The following PARP16 variants were observed in gnomAD, a reference collection of about 807,000 sequenced individuals.
PARP16 encodes protein mono-ADP-ribosyltransferase PARP16.
Under a neutral mutation model 35.0 loss-of-function variants are expected in PARP16, and 31 were observed. That is an observed-to-expected ratio of 0.88 (90% confidence interval 0.66 to 1.19). PARP16 has a LOEUF of 1.19. Ranked by LOEUF, PARP16 falls within the 50% of genes most tolerant of loss-of-function variation. PARP16 has a pLI of 0.00. For missense variants in PARP16, 424 were observed against 411.2 expected (o/e 1.03, Z -0.27); for synonymous variants, 162 against 169.5 (o/e 0.96, Z 0.34).
chr15:65,284,361 T>C (rs34864107), intron 1 of PARP16, among the ~76,000 whole-genome samples: 1 of 124,430 alleles, frequency 8.0e-6, no homozygotes, highest in African/African-American at 3.1e-5. Flanking sequence ...TTTTTTTTTT[T>C]TGAGACAGTC....
chr15:65,279,341 C>T (rs990207736), intron 1 of PARP16, among the ~76,000 whole-genome samples: 1 of 152,112 alleles, frequency 6.6e-6, no homozygotes, highest in African/African-American at 2.4e-5. Flanking sequence ...TATTATCAAT[C>T]AAATACCCTC....
downstream of PARP16, among the ~76,000 whole-genome samples, chr15:65,256,532 C>T (rs12906430): frequency 0.4 from 60,746 of 150,902 alleles, 13,874 homozygotes; most frequent in East Asian, 0.86. Flanking sequence ...CTGAGCCTCC[C>T]GAGTAGCTGG....
downstream of PARP16, among the ~76,000 whole-genome samples, chr15:65,231,611 C>A (rs1409221491): frequency 6.6e-6 from 1 of 151,872 alleles, no homozygotes; most frequent in East Asian, 1.9e-4. Context: ...CCACTCCCAG[C>A]TAATACTTGT....
At chr15:65,284,753 A>C (rs1177599960) in intron 1 of PARP16, among the ~76,000 whole-genome samples, 1 of 150,034 alleles carries the variant, frequency 6.7e-6, no homozygotes, top group Non-Finnish European at 1.5e-5. Flanking sequence ...CTCACCAATG[A>C]CACCAGCTAC....
intron 3 of PARP16, among the ~76,000 whole-genome samples, chr15:65,264,423 A>G (rs748491478): frequency 3.9e-5 from 6 of 152,246 alleles, no homozygotes; most frequent in Non-Finnish European, 7.3e-5. Context: ...AGATAAGTGG[A>G]CTTGAATAGC....
chr15:65,248,357 CAT>C lies in PARP16; in HGVS notation c.203-131_203-130del, dbSNP rs935073841. On this transcript the variant is annotated intron_variant and NMD_transcript_variant, in intron 2 of 3. Transcript: ENST00000559805. ...ATATGTGCTTTCAGAGGCTCACTGA[CAT>C]ATTATTTACACCAAAATAACCTCAT... 69 of 447,520 alleles carry C rather than the reference CAT, an allele frequency of 1.5e-4. No homozygotes were observed. In the Middle Eastern group the frequency reaches 1.6e-3, roughly 10 times the overall value. The allele number at this position is 447,520 out of a possible 1,614,324, so 27.7% of individuals were successfully genotyped here. A position where few individuals can be genotyped will look rare whatever the true frequency, so the allele number is the denominator to read the frequency against.
intron 1 of PARP16, among the ~76,000 whole-genome samples, chr15:65,282,976 T>C (rs2090464444): frequency 6.6e-6 from 1 of 152,224 alleles, no homozygotes; most frequent in Non-Finnish European, 1.5e-5. Context: ...ACCTGCATAA[T>C]TAAAAATAAA....
intron 3 of PARP16, among the ~76,000 whole-genome samples, chr15:65,237,007 T>C (rs925621612): frequency 2.1e-5 from 3 of 143,902 alleles, no homozygotes; most frequent in African/African-American, 7.7e-5. Flanking sequence ...AGAAAAAAGG[T>C]GTGGAAAGCT....
chr15:65,260,271 C>G (rs901260586), intron 5 of PARP16, among the ~76,000 whole-genome samples: 1 of 152,192 alleles, frequency 6.6e-6, no homozygotes, highest in African/African-American at 2.4e-5. Context: ...GAAGCACCAT[C>G]ATGGATTCCA....
At chr15:65,247,765 A>G (rs2140759853) in intron 3 of PARP16, among the ~76,000 whole-genome samples, 1 of 151,858 alleles carries the variant, frequency 6.6e-6, no homozygotes. Context: ...CACAGGCGAT[A>G]ACACACACAG....
rs141358490 is a variant in PARP16 at position 65,281,679 on chromosome 15, G to A, written c.174+4574C>T. Among the ~76,000 whole-genome samples, 597 of 137,178 alleles carry A rather than the reference G, an allele frequency of 4.4e-3. 3 individuals carry two copies. Among genetic ancestry groups the A allele is most frequent in the African/African-American group, 0.014 (527 of 38,296 alleles). The allele number at this position is 137,178 out of a possible 152,430, so 90.0% of individuals were successfully genotyped here. On this transcript the variant is annotated intron_variant, in intron 1 of 5. Coordinates refer to ENST00000649807, the MANE Select transcript of PARP16 (RefSeq NM_001316943.2). ...GCACTCCAGCCTGGGCAACAAGAGG[G>A]AAACTCCATCTCAAAAAAAAAAAAA...
chr15:65,276,496 C>T (rs2090259675), intron 1 of PARP16, among the ~76,000 whole-genome samples: 1 of 152,052 alleles, frequency 6.6e-6, no homozygotes, highest in Non-Finnish European at 1.5e-5. Flanking sequence ...ACCTCAGCCT[C>T]CAGAGTAGCT....
downstream of PARP16, chr15:65,258,002 G>C (rs1449938636): frequency 1.3e-5 from 2 of 152,188 alleles, no homozygotes; most frequent in African/African-American, 4.8e-5. Flanking sequence ...CAAACAGCTA[G>C]TTTGAACAAG....
chr15:65,265,958 T>C (rs992482184), intron 3 of PARP16, among the ~76,000 whole-genome samples: 1 of 152,166 alleles, frequency 6.6e-6, no homozygotes, highest in Non-Finnish European at 1.5e-5. Flanking sequence ...AGATGGAGTC[T>C]CACTCTGTCA....
At chr15:65,273,177 C>T (rs910352804) in intron 1 of PARP16, among the ~76,000 whole-genome samples, 1 of 147,374 alleles carries the variant, frequency 6.8e-6, no homozygotes, top group Non-Finnish European at 1.5e-5. Context: ...ACTCGGGAGG[C>T]CAAGGTAAAA....
chr15:65,260,856 C>CA (rs2089686023), intron 5 of PARP16, 29 bp downstream of exon 5: 1 of 1,607,044 alleles, frequency 6.2e-7, no homozygotes. Flanking sequence ...ACTCTGAATA[C>CA]AGCCATTAGT....
chr15:65,231,281 T>A (rs1057107257), downstream of PARP16, among the ~76,000 whole-genome samples: 16 of 152,212 alleles, frequency 1.1e-4, no homozygotes, highest in African/African-American at 3.9e-4. Context: ...TGAGTCCATT[T>A]ACATTTATTA....
chr15:65,257,289 C>A (rs887684224), downstream of PARP16, among the ~76,000 whole-genome samples: 2 of 152,010 alleles, frequency 1.3e-5, no homozygotes, highest in Admixed American at 6.6e-5. Flanking sequence ...TGGTGGCATG[C>A]GCCTGTAATC....
chr15:65,286,205 C>T (rs2090588046), intron 1 of PARP16, 48 bp downstream of exon 1: 2 of 1,433,364 alleles, frequency 1.4e-6, no homozygotes, highest in Non-Finnish European at 1.9e-6. Context: ...TTCCACAGGG[C>T]ACTTGGTCCA....
Sources: gnomAD v4.1 joint callset for allele counts (sites outside exome capture counted in the v4.1 genomes callset) on GRCh38, gnomAD v4.1.1 for gene constraint, MANE v1.5 for transcripts, NCBI Gene and HGNC (gene_info 2026-07-23, HGNC 2026-07-21) for gene names.